The following TRIP12 variants were observed in gnomAD, a reference collection of about 807,000 sequenced individuals.
TRIP12 encodes the protein thyroid hormone receptor interactor 12.
In TRIP12, 25 loss-of-function variants were observed where a neutral mutation model predicts 244.2. The ratio of observed to expected loss-of-function variants is 0.10; its 90% CI spans 0.07 to 0.14. The LOEUF (loss-of-function observed/expected upper bound fraction) is 0.14. Ranked by LOEUF, TRIP12 falls within the 10% of genes least tolerant of loss-of-function variation. TRIP12 has a pLI of 1.00. For missense variants in TRIP12, 1,677 were observed against 2,486.4 expected (o/e 0.67, Z 6.92); for synonymous variants, 905 against 873.1 (o/e 1.04, Z -0.64).
At chr2:229,794,974 AAAGCATCC>A in intron 26 of TRIP12, 197 bp downstream of exon 26, 3 of 434,278 alleles carry the variant, frequency 6.9e-6, no homozygotes, top group Non-Finnish European at 1.2e-5. Flanking sequence ...ATATATTTAT[AAAGCATCC>A]TGTTTAAGGC....
chr2:229,884,166 C>A (rs1474620178), intron 1 of TRIP12, among the ~76,000 whole-genome samples: 1 of 150,940 alleles, frequency 6.6e-6, no homozygotes, highest in African/African-American at 2.4e-5. Flanking sequence ...AAAATTCATT[C>A]CTAAAATATC....
At chr2:229,799,731 C>A (rs930156212) in intron 21 of TRIP12, among the ~76,000 whole-genome samples, 62 of 151,362 alleles carry the variant, frequency 4.1e-4, no homozygotes, top group African/African-American at 1.5e-3. Flanking sequence ...GCCGAGATAG[C>A]GCCACTGCAC....
At chr2:229,781,020 A>C (rs1180211491) in intron 34 of TRIP12, among the ~76,000 whole-genome samples, 1 of 152,242 alleles carries the variant, frequency 6.6e-6, no homozygotes, top group Admixed American at 6.5e-5. Flanking sequence ...GTCACAGATC[A>C]AATTAGTCTA....
intron 1 of TRIP12, among the ~76,000 whole-genome samples, chr2:229,920,290 G>A (rs959218658): frequency 6.6e-6 from 1 of 152,144 alleles, no homozygotes; most frequent in Admixed American, 6.5e-5. Flanking sequence ...TGAGACTCTC[G>A]AGAGGAACAT....
At chr2:229,865,333 AAAAAAAAAAAGAAAG>A (rs369883185) in intron 2 of TRIP12, among the ~76,000 whole-genome samples, 6,119 of 37,082 alleles carry the variant, frequency 0.17, 76 homozygotes, top group Non-Finnish European at 0.24. Context: ...AAAAAAAAAA[AAAAAAAAAAAGAAAG>A]AAAGAAAGCA....
intron 1 of TRIP12, among the ~76,000 whole-genome samples, chr2:229,904,894 A>G (rs2072238651): frequency 6.6e-6 from 1 of 152,212 alleles, no homozygotes; most frequent in Non-Finnish European, 1.5e-5. Context: ...CTAATGTTAA[A>G]ATTTTCACAA....
chr2:229,869,753 A>C (rs1275893825), intron 2 of TRIP12, among the ~76,000 whole-genome samples: 1 of 152,244 alleles, frequency 6.6e-6, no homozygotes, highest in African/African-American at 2.4e-5. Flanking sequence ...TAACACATGC[A>C]TTATCTCCAG....
intron 2 of TRIP12, among the ~76,000 whole-genome samples, chr2:229,864,041 AGAGAGAGTGTGTGT>A (rs1315496853): frequency 1.4e-5 from 1 of 71,680 alleles, no homozygotes; most frequent in Non-Finnish European, 3.0e-5. Flanking sequence ...AGAGAGAGAG[AGAGAGAGTGTGTGT>A]GTGTGTGTGT....
intron 34 of TRIP12, among the ~76,000 whole-genome samples, chr2:229,784,813 G>A (rs1216991976): frequency 6.6e-6 from 1 of 152,174 alleles, no homozygotes; most frequent in Non-Finnish European, 1.5e-5. Context: ...GCATATATAC[G>A]TTACTGGTGG....
rs1457081759 is a variant in TRIP12, at chr2:229,860,536, C to T, written c.99-5G>A. ...TTTGCCTGCCCTAAATGTGACCTGTCAGCAGAAAATCAAAACAGAAATCTA... is the reference window on the plus strand; with the variant it reads ...TTTGCCTGCCCTAAATGTGACCTGTTAGCAGAAAATCAAAACAGAAATCTA... On this transcript the variant is annotated splice_region_variant and splice_polypyrimidine_tract_variant and intron_variant, in intron 2 of 41. Transcript: ENST00000675903. 2 of 1,584,462 alleles carry T rather than the reference C, an allele frequency of 1.3e-6. No individual in the cohort carries two copies. The highest frequency in any genetic ancestry group is 4.5e-5 in the East Asian group (2 of 44,360).
chr2:229,889,715 G>A (rs541697475), intron 1 of TRIP12, among the ~76,000 whole-genome samples: 1 of 152,152 alleles, frequency 6.6e-6, no homozygotes, highest in Admixed American at 6.5e-5. Flanking sequence ...TTCTTCAATG[G>A]GGTACTTTAA....
intron 13 of TRIP12, among the ~76,000 whole-genome samples, chr2:229,811,433 G>A (rs1037398115): frequency 5.3e-5 from 8 of 151,482 alleles, no homozygotes; most frequent in Admixed American, 4.0e-4. Flanking sequence ...GCCCCTACTA[G>A]ATAAAAGCAA....
At chr2:229,788,550 C>G (rs1484287392) in intron 32 of TRIP12, among the ~76,000 whole-genome samples, 2 of 152,206 alleles carry the variant, frequency 1.3e-5, no homozygotes, top group African/African-American at 4.8e-5. Context: ...ATAATTTTGA[C>G]TATCCTCAGC....
intron 7 of TRIP12, among the ~76,000 whole-genome samples, chr2:229,829,618 A>C (rs748887362): frequency 1.3e-5 from 2 of 152,202 alleles, no homozygotes; most frequent in Non-Finnish European, 2.9e-5. Flanking sequence ...AACCATATGA[A>C]AACAGTATGA....
chr2:229,768,835 C>T, intron 40 of TRIP12, 116 bp from the exon 41 acceptor site: 4 of 937,846 alleles, frequency 4.3e-6, no homozygotes, highest in East Asian at 2.7e-5. Flanking sequence ...ATTACACATA[C>T]ATTTTCCATT....
chr2:229,786,298 A>C (rs571994421), intron 33 of TRIP12, among the ~76,000 whole-genome samples: 1 of 152,278 alleles, frequency 6.6e-6, no homozygotes, highest in Non-Finnish European at 1.5e-5. Context: ...GCACTACTAC[A>C]AACACCTGCA....
intron 25 of TRIP12, 85 bp downstream of exon 25, chr2:229,796,506 G>T: frequency 7.9e-7 from 1 of 1,262,992 alleles, no homozygotes; most frequent in Non-Finnish European, 1.1e-6. Context: ...ACCAAGACCT[G>T]CTGGAAATTA....
chr2:229,869,406 G>T (rs926821134), intron 2 of TRIP12, among the ~76,000 whole-genome samples: 8 of 152,134 alleles, frequency 5.3e-5, no homozygotes, highest in Non-Finnish European at 1.2e-4. Context: ...AGGAATTAAT[G>T]AGACCACATG....
intron 8 of TRIP12, among the ~76,000 whole-genome samples, chr2:229,819,401 C>T (rs374242683): frequency 6.6e-6 from 1 of 152,058 alleles, no homozygotes; most frequent in East Asian, 1.9e-4. Flanking sequence ...AAAAATTAGC[C>T]GAGCGCAGTG....
Sources: gnomAD v4.1 joint callset for allele counts (sites outside exome capture counted in the v4.1 genomes callset) on GRCh38, gnomAD v4.1.1 for gene constraint, MANE v1.5 for transcripts, NCBI Gene and HGNC (gene_info 2026-07-23, HGNC 2026-07-21) for gene names.